The following NBEA variants were observed in gnomAD, a reference collection of about 807,000 sequenced individuals.
NBEA encodes the protein neurobeachin.
Under a neutral mutation model 343.4 loss-of-function variants are expected in NBEA, and 44 were observed. The ratio of observed to expected loss-of-function variants is 0.13; its 90% CI spans 0.10 to 0.16. NBEA has a LOEUF of 0.16. Ranked by LOEUF, NBEA falls within the 10% of genes least tolerant of loss-of-function variation. The pLI is 1.00. For missense variants in NBEA, 2,555 were observed against 3,631.3 expected, an observed-to-expected ratio of 0.70 and a Z score of 7.62; for synonymous variants, 1,175 against 1,238.7, an observed-to-expected ratio of 0.95 and a Z score of 1.08.
At chr13:34,947,742 T>C (rs1428374263) in intron 1 of NBEA, among the ~76,000 whole-genome samples, 1 of 152,222 alleles carries the variant, frequency 6.6e-6, no homozygotes, top group East Asian at 1.9e-4. Flanking sequence ...CAGGACACTG[T>C]ATTAGGCAGT....
chr13:35,579,099 A>T (rs2080887207), intron 45 of NBEA, among the ~76,000 whole-genome samples: 1 of 152,176 alleles, frequency 6.6e-6, no homozygotes, highest in Non-Finnish European at 1.5e-5. Flanking sequence ...GTAACAGTAG[A>T]ATCCTAGTAC....
Position 35,631,640 on chromosome 13 carries a change from A to T in NBEA, c.7617+3392A>T, listed in dbSNP as rs922198385. ...AATATCTATATATGTCTCCTTTGTA[A>T]AAAAAAAAAAAAAAAAAAAAATTCT... On this transcript the variant is annotated intron_variant, in intron 49 of 58. Transcript: ENST00000379939. 6.5e-3 allele frequency among the ~76,000 whole-genome samples: 422 copies of T among 65,024 alleles called. 2 individuals carry two copies. The highest frequency in any genetic ancestry group is 0.02 in the African/African-American group (394 of 20,104). 42.7% of individuals were successfully genotyped at this position (65,024 alleles called of 152,430 possible).
intron 10 of NBEA, among the ~76,000 whole-genome samples, chr13:35,097,390 A>G (rs560592910): frequency 6.6e-6 from 1 of 152,050 alleles, no homozygotes; most frequent in Non-Finnish European, 1.5e-5. Flanking sequence ...TTTATGGTAT[A>G]TTATAAAACA....
intron 1 of NBEA, among the ~76,000 whole-genome samples, chr13:34,999,821 A>T (rs1239276666): frequency 2.0e-5 from 3 of 151,978 alleles, no homozygotes; most frequent in South Asian, 2.1e-4. Flanking sequence ...AAGGTTATAT[A>T]TCCAGTAAGT....
At chr13:35,365,759 T>C (rs940493630) in intron 38 of NBEA, among the ~76,000 whole-genome samples, 2 of 151,710 alleles carry the variant, frequency 1.3e-5, no homozygotes, top group African/African-American at 2.4e-5. Context: ...GTTAAAAAGG[T>C]TTAGAAATTT....
intron 56 of NBEA, 43 bp from the exon 57 acceptor site, chr13:35,667,331 G>A (rs2085408615): frequency 1.3e-6 from 2 of 1,548,304 alleles, no homozygotes. Flanking sequence ...TATGTCGTTT[G>A]TCGTCCCCAA....
chr13:35,497,924 A>C (rs561964528), intron 41 of NBEA, among the ~76,000 whole-genome samples: 1 of 152,106 alleles, frequency 6.6e-6, no homozygotes, highest in South Asian at 2.1e-4. Flanking sequence ...ATTGGCTATT[A>C]TTTTTTACCT....
At chr13:35,567,432 A>G (rs1214188907) in intron 45 of NBEA, among the ~76,000 whole-genome samples, 1 of 152,232 alleles carries the variant, frequency 6.6e-6, no homozygotes, top group Middle Eastern at 3.2e-3. Flanking sequence ...AGTTAATTTT[A>G]CCAAGTGTCT....
intron 35 of NBEA, among the ~76,000 whole-genome samples, chr13:35,302,575 A>ATATTAATG (rs2036624893): frequency 6.6e-6 from 1 of 152,204 alleles, no homozygotes; most frequent in African/African-American, 2.4e-5. Context: ...CAGCCATATC[A>ATATTAATG]TATTAATGGA....
intron 1 of NBEA, among the ~76,000 whole-genome samples, chr13:35,028,109 C>T (rs1204219916): frequency 6.6e-6 from 1 of 151,834 alleles, no homozygotes; most frequent in Non-Finnish European, 1.5e-5. Context: ...AGTGATTCCT[C>T]CCACTTTATT....
intron 34 of NBEA, among the ~76,000 whole-genome samples, chr13:35,285,200 T>G (rs1451059017): frequency 6.6e-6 from 1 of 152,020 alleles, no homozygotes; most frequent in African/African-American, 2.4e-5. Context: ...GAGGTCCAGG[T>G]GGATGGATTG....
At chr13:34,964,392 T>A (rs1430631272) in intron 1 of NBEA, among the ~76,000 whole-genome samples, 1 of 152,008 alleles carries the variant, frequency 6.6e-6, no homozygotes, top group Non-Finnish European at 1.5e-5. Context: ...ATGTCATAAT[T>A]TGCCCCTGCC....
At chr13:35,640,485 A>G (rs910462743) in intron 49 of NBEA, among the ~76,000 whole-genome samples, 1 of 152,242 alleles carries the variant, frequency 6.6e-6, no homozygotes, top group Non-Finnish European at 1.5e-5. Context: ...GGGCATAAAC[A>G]GCATACCCAT....
At chr13:35,407,856 G>A (rs141514455) in intron 38 of NBEA, among the ~76,000 whole-genome samples, 5 of 152,178 alleles carry the variant, frequency 3.3e-5, no homozygotes, top group African/African-American at 1.2e-4. Flanking sequence ...TCAAAGAAAT[G>A]AGAAATGACA....
intron 27 of NBEA, 76 bp from the exon 28 acceptor site, chr13:35,176,920 G>A (rs2070942112): frequency 2.1e-6 from 2 of 944,808 alleles, no homozygotes; most frequent in Non-Finnish European, 3.3e-6. Flanking sequence ...GACCAGTTTA[G>A]CCTGAATTAA....
At chr13:35,472,598 T>C in intron 41 of NBEA, 62 bp downstream of exon 41, 1 of 1,601,530 alleles carries the variant, frequency 6.2e-7, no homozygotes, top group South Asian at 1.1e-5. Flanking sequence ...GGTTTTCAAT[T>C]TTGTTTGGTT....
Position 35,117,472 on chromosome 13 carries a change from T to A in NBEA, c.2061T>A (p.Phe687Leu). 7.3e-7 allele frequency: 1 copy of A among 1,372,426 alleles called. No individual in the cohort carries two copies. Among genetic ancestry groups the A allele is most frequent in the Non-Finnish European group, 9.6e-7 (1 of 1,046,658 alleles). 85.0% of individuals were successfully genotyped at this position (1,372,426 alleles called of 1,614,324 possible). ...CACTGAGGGCATTTATGCTACTTTTTCTGAAACAGCTGATACTAAAGGTAA... is the reference window on the plus strand; with the variant it reads ...CACTGAGGGCATTTATGCTACTTTTACTGAAACAGCTGATACTAAAGGTAA... ...IISLRAFMLL[F>L]LKQLILKDRG... The change falls in exon 14 of 59, where the codon TTT becomes TTA. Residue 687 changes from phenylalanine (F) to leucine (L), a missense_variant. Phe to Leu is a conservative substitution (Grantham distance 22). Around this residue, in one of 21 missense-constraint regions of NBEA, gnomAD observed 360 missense variants for 519.1 expected, o/e 0.69. Transcript: ENST00000379939.
intron 34 of NBEA, among the ~76,000 whole-genome samples, chr13:35,285,304 T>A (rs1391592355): frequency 6.6e-6 from 1 of 152,054 alleles, no homozygotes; most frequent in Non-Finnish European, 1.5e-5. Context: ...CCAGCCCAGG[T>A]GACAGAGCAA....
chr13:35,468,393 A>G (rs956013802), intron 40 of NBEA, among the ~76,000 whole-genome samples: 2 of 152,218 alleles, frequency 1.3e-5, no homozygotes, highest in African/African-American at 4.8e-5. Context: ...GCATACCACA[A>G]AAATACCAGA....
Sources: allele counts gnomAD v4.1 joint callset (sites outside exome capture counted in the v4.1 genomes callset), GRCh38; gene constraint gnomAD v4.1.1; regional missense constraint gnomAD v4.1.1; transcripts MANE v1.5; gene names NCBI Gene and HGNC (gene_info 2026-07-23, HGNC 2026-07-21).